NOL4: variants seen among roughly 807,000 people sequenced by gnomAD.
NOL4 encodes cancer/testis antigen 125.
In NOL4, 17 loss-of-function variants were observed where a neutral mutation model predicts 75.9. The observed-to-expected ratio is 0.22, with a 90% CI of 0.15 to 0.34. NOL4 has a LOEUF of 0.34. Among genes scored for constraint, NOL4 ranks in the 10% least tolerant of loss-of-function variants. NOL4 has a pLI of 1.00. For synonymous variants in NOL4, 292 were observed against 289.9 expected, an observed-to-expected ratio of 1.01 and a Z score of -0.07; for missense variants, 614 against 793.5, an observed-to-expected ratio of 0.77 and a Z score of 2.72.
chr18:34,146,665 C>G (rs1185972889), intron 1 of NOL4, among the ~76,000 whole-genome samples: 2 of 151,580 alleles, frequency 1.3e-5, no homozygotes, highest in Admixed American at 6.6e-5. Context: ...AGTGTGATGC[C>G]TCCAGCTTTG....
At chr18:34,006,674 T>A (rs1416998877) in intron 6 of NOL4, among the ~76,000 whole-genome samples, 1 of 152,024 alleles carries the variant, frequency 6.6e-6, no homozygotes, top group Non-Finnish European at 1.5e-5. Context: ...TTGCTTCTAA[T>A]CAAGGGACTC....
At chr18:34,014,585 A>T (rs760696215) in intron 6 of NOL4, among the ~76,000 whole-genome samples, 20 of 151,882 alleles carry the variant, frequency 1.3e-4, no homozygotes, top group Non-Finnish European at 2.9e-4. Flanking sequence ...TTGGTGTTTG[A>T]TTGGCCTTTC....
Position 34,019,632 on chromosome 18 carries a change from T to G in NOL4, c.773-31A>C, listed in dbSNP as rs746497708. 4 of 1,588,698 alleles carry G rather than the reference T, an allele frequency of 2.5e-6. No homozygotes were observed. In the African/African-American group the frequency reaches 4.1e-5, roughly 16 times the overall value. On this transcript the variant is annotated intron_variant, in intron 5 of 10. Coordinates refer to ENST00000261592, the MANE Select transcript of NOL4 (RefSeq NM_003787.5). Reference sequence around the variant, plus strand: ...GGAAAGGAAAAGTTATATTTTGATTTTAATTAATATGCTATTCAGAGTCTA... The same window carrying G: ...GGAAAGGAAAAGTTATATTTTGATTGTAATTAATATGCTATTCAGAGTCTA...
chr18:34,222,893 G>A, intron 1 of NOL4, 97 bp downstream of exon 1: 3 of 1,498,672 alleles, frequency 2.0e-6, no homozygotes, highest in Non-Finnish European at 2.7e-6. Context: ...CGAGCCAACG[G>A]CGGCTCACGG....
chr18:33,992,547 C>G (rs2072998414), intron 6 of NOL4, among the ~76,000 whole-genome samples: 1 of 151,950 alleles, frequency 6.6e-6, no homozygotes, highest in African/African-American at 2.4e-5. Flanking sequence ...GTATTTGAAC[C>G]AAGATCACTC....
intron 2 of NOL4, among the ~76,000 whole-genome samples, chr18:34,129,478 T>A (rs942098839): frequency 1.3e-5 from 2 of 151,712 alleles, no homozygotes; most frequent in African/African-American, 4.8e-5. Context: ...CATATTAATA[T>A]GATTTGATGG....
At chr18:34,118,330 T>A (rs77497108) in intron 2 of NOL4, among the ~76,000 whole-genome samples, 1 of 152,170 alleles carries the variant, frequency 6.6e-6, no homozygotes, top group Admixed American at 6.5e-5. Flanking sequence ...AAATTAGAAA[T>A]AATCTCCTAG....
In NOL4 at chr18:33,982,287, A is replaced by G. The variant is rs1345586032; in HGVS notation, c.1057-23869T>C. On this transcript the variant is annotated intron_variant, in intron 6 of 10. Transcript: ENST00000261592. Reference sequence around the variant, plus strand: ...AGATAGTCAGAGTGGATCAAAAATCAAGATCCAACCACATGCTGTCCACAA... The same window carrying G: ...AGATAGTCAGAGTGGATCAAAAATCGAGATCCAACCACATGCTGTCCACAA... 3.9e-5 allele frequency among the ~76,000 whole-genome samples: 6 copies of G among 152,238 alleles called. No homozygotes were observed. The East Asian group carries it at 9.7e-4, about 25-fold the overall frequency.
chr18:34,139,496 T>G (rs1353073657), intron 1 of NOL4, among the ~76,000 whole-genome samples: 1 of 152,180 alleles, frequency 6.6e-6, no homozygotes, highest in Non-Finnish European at 1.5e-5. Context: ...TGATGGTAGT[T>G]TGTATTTCTG....
In NOL4 at chr18:33,852,850, G is replaced by T. The variant is rs762249074; in HGVS notation, c.1909C>A (p.Gln637Lys). ...TATGGTGGTCGTCTGTCTCAGTTCTGTTGTAAAATGAGATTTTCCAGTTCA... is the reference window on the plus strand; with the variant it reads ...TATGGTGGTCGTCTGTCTCAGTTCTTTTGTAAAATGAGATTTTCCAGTTCA... Reference protein sequence around the residue: ...ADELENLILQQN With the variant: ...ADELENLILQKN Residue 637 changes from glutamine to lysine, a missense_variant, in exon 11 of 11, where the codon CAG becomes AAG. By Grantham distance (53) the Gln-to-Lys change is moderately conservative. This residue lies in a region of NOL4 where 128 missense variants were observed against 159.9 expected (regional missense o/e 0.80). Coordinates refer to ENST00000261592, the MANE Select transcript of NOL4 (RefSeq NM_003787.5). The T allele has an allele frequency of 9.9e-6, 16 of 1,611,838 alleles. No individual in the cohort carries two copies. The highest frequency in any genetic ancestry group is 1.7e-4 in the Middle Eastern group (1 of 6,032).
chr18:33,980,630 C>G (rs2071876274), intron 6 of NOL4, among the ~76,000 whole-genome samples: 1 of 151,844 alleles, frequency 6.6e-6, no homozygotes, highest in African/African-American at 2.4e-5. Flanking sequence ...AACTGAGAAG[C>G]ATTTGTGAAA....
chr18:34,107,229 A>G (rs1222076710), intron 2 of NOL4, among the ~76,000 whole-genome samples: 1 of 152,268 alleles, frequency 6.6e-6, no homozygotes, highest in East Asian at 1.9e-4. Context: ...ATTTTTCTTG[A>G]AATTATTAAT....
At chr18:34,203,157 A>G (rs1246128197) in intron 1 of NOL4, among the ~76,000 whole-genome samples, 1 of 152,074 alleles carries the variant, frequency 6.6e-6, no homozygotes, top group Non-Finnish European at 1.5e-5. Flanking sequence ...TCTCCAGGGA[A>G]TTATACTAAG....
intron 5 of NOL4, among the ~76,000 whole-genome samples, chr18:34,079,421 G>A (rs1183959976): frequency 6.6e-6 from 1 of 151,816 alleles, no homozygotes; most frequent in African/African-American, 2.4e-5. Flanking sequence ...ATCCTAGGCT[G>A]GAGTGTGTAT....
chr18:33,964,827 C>T (rs1453709557), intron 6 of NOL4, among the ~76,000 whole-genome samples: 2 of 152,114 alleles, frequency 1.3e-5, no homozygotes, highest in African/African-American at 4.8e-5. Context: ...CCAGAGAAAG[C>T]ACACAGGTAA....
At chr18:33,997,242 A>G (rs2073360818) in intron 6 of NOL4, among the ~76,000 whole-genome samples, 1 of 151,820 alleles carries the variant, frequency 6.6e-6, no homozygotes, top group South Asian at 2.1e-4. Context: ...ATCTTGGATT[A>G]GTTTTTCTGA....
At chr18:34,217,044 G>C (rs1036306868) in intron 1 of NOL4, among the ~76,000 whole-genome samples, 1 of 151,978 alleles carries the variant, frequency 6.6e-6, no homozygotes, top group Non-Finnish European at 1.5e-5. Context: ...TATATTTCTA[G>C]AGAGGAATCT....
intron 10 of NOL4, among the ~76,000 whole-genome samples, chr18:33,865,365 A>C (rs2063381262): frequency 1.3e-5 from 2 of 152,048 alleles, no homozygotes; most frequent in South Asian, 4.1e-4. Context: ...TATTTGTTAT[A>C]CTGTATGTTT....
At chr18:34,163,844 T>C (rs1373979084) in intron 1 of NOL4, among the ~76,000 whole-genome samples, 1 of 152,072 alleles carries the variant, frequency 6.6e-6, no homozygotes, top group African/African-American at 2.4e-5. Flanking sequence ...CAAACTATAC[T>C]ACAAGCCTAC....
Sources: allele counts gnomAD v4.1 joint callset (sites outside exome capture counted in the v4.1 genomes callset), GRCh38; gene constraint gnomAD v4.1.1; regional missense constraint gnomAD v4.1.1; transcripts MANE v1.5; gene names NCBI Gene and HGNC (gene_info 2026-07-23, HGNC 2026-07-21).